The following EFR3A variants were observed in gnomAD, a reference collection of about 807,000 sequenced individuals.
EFR3A encodes protein EFR3 homolog A.
In EFR3A, 76 loss-of-function variants were observed where a neutral mutation model predicts 104.4. The ratio of observed to expected loss-of-function variants is 0.73; its 90% CI spans 0.60 to 0.88. EFR3A has a LOEUF of 0.88. Among genes scored for constraint, EFR3A ranks in the 40% least tolerant of loss-of-function variants. The pLI is 0.00. For synonymous variants in EFR3A, 330 were observed against 330.0 expected (o/e 1.00, Z 0.00); for missense variants, 985 against 1,012.5 (o/e 0.97, Z 0.37).
At chr8:131,924,269 G>A (rs1362694689) in intron 1 of EFR3A, 1 of 215,860 alleles carries the variant, frequency 4.6e-6, no homozygotes, top group Non-Finnish European at 9.9e-6. Context: ...ATTTGTCCTT[G>A]ACTCGGCATT....
chr8:131,991,991 C>T (rs2130779305), intron 18 of EFR3A, among the ~76,000 whole-genome samples: 1 of 152,230 alleles, frequency 6.6e-6, no homozygotes, highest in Non-Finnish European at 1.5e-5. Context: ...AATGATTTTG[C>T]CGCTCAGTGA....
Position 131,987,701 on chromosome 8 carries a change from A to C in EFR3A, c.2064A>C (p.Thr688=). The change falls in exon 18 of 23, where the codon ACA becomes ACC. Residue 688 remains threonine, a splice_region_variant and synonymous_variant. Coordinates refer to ENST00000254624, the MANE Select transcript of EFR3A (RefSeq NM_015137.6). ...RLSVPYVPQV[T]DEDRLSRRKS... is the part of the protein sequence containing the mutation. ...CAGTTCCGTATGTACCACAAGTAAC[A>C]GGTAAGAGGAGGATAATTAGAACTT... is the stretch of plus-strand genomic sequence containing the variant. 1 of 1,583,364 alleles carries C rather than the reference A, an allele frequency of 6.3e-7. No individual in the cohort carries two copies. The highest frequency in any genetic ancestry group is 8.6e-7 in the Non-Finnish European group (1 of 1,164,592).
intron 16 of EFR3A, 33 bp from the exon 17 acceptor site, chr8:131,986,161 T>G: frequency 7.6e-7 from 1 of 1,322,432 alleles, no homozygotes; most frequent in Non-Finnish European, 1.1e-6. Context: ...GGTAGGGTTT[T>G]TGATTTTTGT....
intron 1 of EFR3A, among the ~76,000 whole-genome samples, chr8:131,929,742 C>T (rs1817491968): frequency 6.6e-6 from 1 of 152,060 alleles, no homozygotes; most frequent in Admixed American, 6.6e-5. Context: ...ATGTATATTT[C>T]TGAGGCACAT....
chr8:131,977,628 C>T (rs919809752), intron 12 of EFR3A, among the ~76,000 whole-genome samples: 1 of 152,142 alleles, frequency 6.6e-6, no homozygotes, highest in Non-Finnish European at 1.5e-5. Flanking sequence ...ATATTTGATT[C>T]AGCCATTGCT....
chr8:131,975,991 T>C, intron 10 of EFR3A, 36 bp from the exon 11 acceptor site: 1 of 1,321,498 alleles, frequency 7.6e-7, no homozygotes, highest in Non-Finnish European at 1.1e-6. Context: ...AAGTAGACTT[T>C]TTCAGTTTCT....
intron 7 of EFR3A, 88 bp downstream of exon 7, chr8:131,955,993 C>G (rs1395241119): frequency 6.9e-7 from 1 of 1,450,502 alleles, no homozygotes; most frequent in African/African-American, 1.4e-5. Flanking sequence ...TACTTTTTTA[C>G]TTGCATGAGT....
At chr8:131,934,226 A>G (rs1817760260) in intron 1 of EFR3A, among the ~76,000 whole-genome samples, 1 of 151,990 alleles carries the variant, frequency 6.6e-6, no homozygotes. Flanking sequence ...TAGAATATGC[A>G]TTTTGTTTTT....
Position 131,922,273 on chromosome 8 carries a change from A to G in EFR3A, c.10+17951A>G, listed in dbSNP as rs1817073748. On this transcript the variant is annotated intron_variant, in intron 1 of 22. Coordinates refer to ENST00000254624, the MANE Select transcript of EFR3A (RefSeq NM_015137.6). ...TCTTGATTATATCTGCAAAGACCCC[A>G]TTTCGAAATAAAGTCACAATGGCAG... 1.3e-5 allele frequency among the ~76,000 whole-genome samples: 2 copies of G among 152,060 alleles called. 1 individual carries two copies.
intron 1 of EFR3A, among the ~76,000 whole-genome samples, chr8:131,924,856 C>G (rs1817225017): frequency 6.6e-6 from 1 of 152,044 alleles, no homozygotes; most frequent in African/African-American, 2.4e-5. Context: ...TTTCTCATTT[C>G]TCTTATATTT....
intron 4 of EFR3A, among the ~76,000 whole-genome samples, chr8:131,948,373 G>C (rs1213001956): frequency 6.6e-6 from 1 of 152,124 alleles, no homozygotes; most frequent in Non-Finnish European, 1.5e-5. Flanking sequence ...GACATGAGTT[G>C]ATATATATGA....
intron 2 of EFR3A, among the ~76,000 whole-genome samples, chr8:131,941,000 G>A (rs1818145967): frequency 6.6e-6 from 1 of 151,924 alleles, no homozygotes; most frequent in African/African-American, 2.4e-5. Flanking sequence ...AAAAAAAAAT[G>A]TTGTACTAGA....
intron 1 of EFR3A, among the ~76,000 whole-genome samples, chr8:131,924,454 T>C (rs897189893): frequency 1.3e-5 from 2 of 152,126 alleles, no homozygotes; most frequent in African/African-American, 4.8e-5. Context: ...CATATATATG[T>C]ACAAGGTTGT....
intron 14 of EFR3A, among the ~76,000 whole-genome samples, chr8:131,980,601 G>C (rs1387716340): frequency 1.3e-5 from 2 of 151,948 alleles, no homozygotes; most frequent in Middle Eastern, 3.2e-3. Context: ...ATATAATGTG[G>C]AAAGTTTAAA....
At position 131,940,585 on chromosome 8, in the gene EFR3A, T is replaced by C; in HGVS notation, c.87+10T>C. On this transcript the variant is annotated intron_variant, in intron 2 of 22. Transcript: ENST00000254624. ...CCCTGAAGATCCAAAAGTAATTTGA[T>C]CTACATCTACTGATCCTTCTCTTTG... The C allele has an allele frequency of 6.2e-7, 1 of 1,600,366 alleles. No individual in the cohort carries two copies. The highest frequency in any genetic ancestry group is 8.5e-7 in the Non-Finnish European group (1 of 1,173,016).
chr8:131,915,611 G>A (rs996738081), intron 1 of EFR3A, among the ~76,000 whole-genome samples: 1 of 152,190 alleles, frequency 6.6e-6, no homozygotes, highest in African/African-American at 2.4e-5. Flanking sequence ...GGGCCCAGGG[G>A]AGAGACTGCA....
rs1409709406 is a variant in EFR3A, at chr8:132,012,822, A to C, written c.*1927A>C. The stretch of plus-strand genomic sequence containing the variant: ...CGTGAAACACAAACTTTGCTCTACA[A>C]AATTTCGTGTTTCTTAGTGATTTTA... On this transcript the variant is annotated 3_prime_UTR_variant, in exon 23 of 23. Transcript: ENST00000254624. The C allele has an allele frequency of 6.6e-6, 1 of 152,322 alleles. No individual in the cohort carries two copies. Among genetic ancestry groups the C allele is most frequent in the Non-Finnish European group, 1.5e-5 (1 of 68,030 alleles). The allele number at this position is 152,322 out of a possible 1,614,324, so 9.4% of individuals were successfully genotyped here.
At chr8:131,976,910 C>T in intron 11 of EFR3A, 131 bp from the exon 12 acceptor site, 1 of 562,776 alleles carries the variant, frequency 1.8e-6, no homozygotes, top group East Asian at 3.2e-5. Context: ...TGAAGTGAGC[C>T]ATGACTTAAA....
intron 12 of EFR3A, 51 bp from the exon 13 acceptor site, chr8:131,978,796 C>CA (rs1586641362): frequency 2.2e-6 from 3 of 1,339,276 alleles, no homozygotes; most frequent in South Asian, 2.3e-5. Context: ...GAGAATTTTA[C>CA]AAAAAAAGGA....
Sources: allele counts gnomAD v4.1 joint callset (sites outside exome capture counted in the v4.1 genomes callset), GRCh38; gene constraint gnomAD v4.1.1; transcripts MANE v1.5; gene names NCBI Gene and HGNC (gene_info 2026-07-23, HGNC 2026-07-21).